PLEKHM2: variants seen among roughly 807,000 people sequenced by gnomAD.
The protein encoded by PLEKHM2 is pleckstrin homology and RUN domain containing M2.
Under a neutral mutation model 116.3 loss-of-function variants are expected in PLEKHM2, and 77 were observed. That is an observed-to-expected ratio of 0.66 (90% CI 0.55 to 0.80). The LOEUF (loss-of-function observed/expected upper bound fraction) is 0.80, where lower values mean the gene tolerates loss of function less well. PLEKHM2 is among the 30% of genes least tolerant of loss of function. The probability of loss-of-function intolerance (pLI) is 0.00; values close to 1 mark genes in which losing one functional copy is unlikely to be tolerated. For synonymous variants in PLEKHM2, 562 were observed against 571.0 expected, an observed-to-expected ratio of 0.98 and a Z score of 0.22; for missense variants, 1,183 against 1,354.9, an observed-to-expected ratio of 0.87 and a Z score of 1.99.
At position 15,685,542 on chromosome 1, in the gene PLEKHM2, A is replaced by G. The variant is rs1463564751; in HGVS notation, c.60+924A>G. The stretch of plus-strand genomic sequence containing the variant: ...GCTCACCAGATAGTCTCAGAAACTG[A>G]AAAAAAAAAAAAAAAAAAGAAAGAA... On this transcript the variant is annotated intron_variant, in intron 1 of 19. Transcript: ENST00000375799. Among the ~76,000 whole-genome samples the G allele has an allele frequency of 1.7e-4, 15 of 85,886 alleles. 1 individual carries two copies. The South Asian group carries it at 3.5e-3, about 20-fold the overall frequency. The allele number at this position is 85,886 out of a possible 152,430, so 56.3% of individuals were successfully genotyped here.
chr1:15,725,812 G>A (rs888696106), intron 8 of PLEKHM2: 50 of 508,826 alleles, frequency 9.8e-5, no homozygotes, highest in Admixed American at 7.4e-4. Context: ...CCTACAGTCC[G>A]AGGTCAGGGT....
At chr1:15,718,021 T>A in intron 4 of PLEKHM2, 29 bp downstream of exon 4, 1 of 1,409,602 alleles carries the variant, frequency 7.1e-7, no homozygotes, top group Non-Finnish European at 9.9e-7. Flanking sequence ...CTGTCTCCCC[T>A]AGCCTCAGAG....
intron 7 of PLEKHM2, among the ~76,000 whole-genome samples, chr1:15,724,876 A>C (rs1310918379): frequency 2.0e-5 from 3 of 152,130 alleles, no homozygotes; most frequent in African/African-American, 4.8e-5. Context: ...GTATGGGGCT[A>C]ACGGGGCTGC....
chr1:15,710,614 A>G (rs1217601317), intron 1 of PLEKHM2, among the ~76,000 whole-genome samples: 1 of 152,122 alleles, frequency 6.6e-6, no homozygotes, highest in African/African-American at 2.4e-5. Context: ...GGCGTAAGCC[A>G]CTGCACCCAG....
intron 16 of PLEKHM2, 124 bp downstream of exon 16, chr1:15,731,381 A>C: frequency 1.3e-6 from 1 of 766,090 alleles, no homozygotes; most frequent in South Asian, 1.5e-5. Context: ...AGCGGCCCTG[A>C]CAGGTGGCCT....
intron 1 of PLEKHM2, 52 bp downstream of exon 1, chr1:15,684,670 C>T (rs1368452787): frequency 8.7e-6 from 7 of 802,242 alleles, no homozygotes; most frequent in Non-Finnish European, 1.1e-5. Context: ...GCGCCCCCCA[C>T]GCCCTCCGGC....
Position 15,729,206 on chromosome 1 carries a change from G to T in PLEKHM2, c.2075+16G>T, listed in dbSNP as rs368619845. 3 of 1,597,804 alleles carry T rather than the reference G, an allele frequency of 1.9e-6. No individual in the cohort carries two copies. Among genetic ancestry groups the T allele is most frequent in the Non-Finnish European group, 2.6e-6 (3 of 1,171,670 alleles). ...CGCTGGCTGAGTGAGTGGCAACCCC[G>T]CCCCTCTGGAAGGATTGGAGAGTTC... is the stretch of plus-strand genomic sequence containing the variant. On this transcript the variant is annotated intron_variant, in intron 13 of 19. Transcript: ENST00000375799. This position sits in a 1 kb window ranked among gnomAD's most constrained non-coding sequence, Gnocchi z 4.7.
chr1:15,695,262 A>G (rs574202452), intron 1 of PLEKHM2, among the ~76,000 whole-genome samples: 3 of 152,366 alleles, frequency 2.0e-5, no homozygotes, highest in South Asian at 4.1e-4. Flanking sequence ...CTTGAAATAC[A>G]CAAAAATCTC....
intron 1 of PLEKHM2, among the ~76,000 whole-genome samples, chr1:15,704,127 C>A (rs929945273): frequency 6.6e-6 from 1 of 152,174 alleles, no homozygotes; most frequent in Non-Finnish European, 1.5e-5. Flanking sequence ...CACCATGGAG[C>A]ATACTGGCCC....
chr1:15,729,743 C>T lies in PLEKHM2; in HGVS notation c.2076-54C>T. 8 of 1,533,276 alleles carry T rather than the reference C, an allele frequency of 5.2e-6. No homozygotes were observed. The highest frequency in any genetic ancestry group is 7.1e-6 in the Non-Finnish European group (8 of 1,131,316). The allele number at this position is 1,533,276 out of a possible 1,614,324, so 95.0% of individuals were successfully genotyped here. On this transcript the variant is annotated intron_variant, in intron 13 of 19. Transcript: ENST00000375799. This position sits in a 1 kb window ranked among gnomAD's most constrained non-coding sequence, Gnocchi z 4.7. ...AGCAGCGCTCAAGACTAAGCCCTGTCCAGTTGAGGCCCTGTTCCCAGGCCT... is the reference window on the plus strand; with the variant it reads ...AGCAGCGCTCAAGACTAAGCCCTGTTCAGTTGAGGCCCTGTTCCCAGGCCT...
chr1:15,716,120 T>C, intron 1 of PLEKHM2, 117 bp from the exon 2 acceptor site: 1 of 648,246 alleles, frequency 1.5e-6, no homozygotes, highest in South Asian at 1.8e-5. Context: ...ACGTCTCTGC[T>C]GGTCATTGTG....
rs1256212326 is a variant in PLEKHM2, at chr1:15,721,236, C to T, written c.653-93C>T. ...GAAGTTTTCCTCTCCTATTTTCTCC[C>T]CATGTCTCCCACCCCATTTCCCCTC... On this transcript the variant is annotated intron_variant, in intron 6 of 19. Coordinates refer to ENST00000375799, the MANE Select transcript of PLEKHM2 (RefSeq NM_015164.4). This position sits in a 1 kb window ranked among gnomAD's most constrained non-coding sequence, Gnocchi z 5.1. The T allele has an allele frequency of 5.5e-6, 4 of 730,334 alleles. No individual in the cohort carries two copies. The highest frequency in any genetic ancestry group is 5.4e-5 in the African/African-American group (3 of 55,424). 45.2% of individuals were successfully genotyped at this position (730,334 alleles called of 1,614,324 possible).
intron 19 of PLEKHM2, 38 bp from the exon 20 acceptor site, chr1:15,733,759 C>G (rs2068181243): frequency 6.2e-7 from 1 of 1,602,556 alleles, no homozygotes; most frequent in Non-Finnish European, 8.5e-7. Flanking sequence ...CTGTGGCCCT[C>G]AGTGGCCCTC....
chr1:15,711,066 A>G (rs1557650143), intron 1 of PLEKHM2, among the ~76,000 whole-genome samples: 1 of 151,950 alleles, frequency 6.6e-6, no homozygotes, highest in Non-Finnish European at 1.5e-5. Context: ...AAAGATCTAA[A>G]CATAAGGGAA....
In PLEKHM2 at chr1:15,727,428, C is replaced by T. The variant is rs747013979; in HGVS notation, c.1356C>T (p.Cys452=). 6.2e-6 allele frequency: 10 copies of T among 1,606,056 alleles called. No individual in the cohort carries two copies. Among genetic ancestry groups the T allele is most frequent in the East Asian group, 2.2e-5 (1 of 44,566 alleles). The change falls in exon 9 of 20, where the codon TGC becomes TGT. Residue 452 remains cysteine (C), a synonymous_variant. Transcript: ENST00000375799. The surrounding 1 kb of genome is among the most constrained non-coding windows in gnomAD (Gnocchi z 7.5). Reference sequence around the variant, plus strand: ...ATGCCCCGGAGAGGCCGCCGCTTTGCGACTTTAGTGAGGGGCTTTCAGCCC... The same window carrying T: ...ATGCCCCGGAGAGGCCGCCGCTTTGTGACTTTAGTGAGGGGCTTTCAGCCC... ...PGDAPERPPL[C]DFSEGLSAPM...
chr1:15,706,718 T>G (rs1037392198), intron 1 of PLEKHM2, among the ~76,000 whole-genome samples: 33 of 152,196 alleles, frequency 2.2e-4, no homozygotes, highest in African/African-American at 7.7e-4. Context: ...TTGTATTTAT[T>G]TTTTTCCCTC....
chr1:15,731,767 C>T (rs1332760571), intron 16 of PLEKHM2, 122 bp from the exon 17 acceptor site: 2 of 797,282 alleles, frequency 2.5e-6, no homozygotes, highest in African/African-American at 1.7e-5. Context: ...CCTCTGGTAT[C>T]CTCCAGCCCC....
Position 15,719,660 on chromosome 1 carries a change from C to G in PLEKHM2, c.466-74C>G. On this transcript the variant is annotated intron_variant, in intron 5 of 19. Coordinates refer to ENST00000375799, the MANE Select transcript of PLEKHM2 (RefSeq NM_015164.4). The surrounding 1 kb of genome is among the most constrained non-coding windows in gnomAD (Gnocchi z 4.1). ...AGAGGCACATCTGTGTCTCCCAGGC[C>G]TGGATCCTGCTGTCTGCAGAAGGCC... 1 of 1,000,592 alleles carries G rather than the reference C, an allele frequency of 1.0e-6. No homozygotes were observed. The highest frequency in any genetic ancestry group is 1.5e-6 in the Non-Finnish European group (1 of 648,860). 62.0% of individuals were successfully genotyped at this position (1,000,592 alleles called of 1,614,324 possible).
In PLEKHM2 at chr1:15,691,311, A is replaced by T. The variant is rs139666667; in HGVS notation, c.60+6693A>T. On this transcript the variant is annotated intron_variant, in intron 1 of 19. Transcript: ENST00000375799. ...GGTCTCGAACTCCTGAGCTCAGGTG[A>T]TCCTCCCACCTCGGCCTGCATAAGT... is the stretch of plus-strand genomic sequence containing the variant. Among the ~76,000 whole-genome samples the T allele has an allele frequency of 8.5e-4, 130 of 152,220 alleles. 5 individuals are homozygous for T. In the East Asian group the frequency reaches 0.023, roughly 27 times the overall value.
Sources: allele counts gnomAD v4.1 joint callset (sites outside exome capture counted in the v4.1 genomes callset), GRCh38; gene constraint gnomAD v4.1.1; non-coding constraint Gnocchi (gnomAD v3.1); transcripts MANE v1.5; gene names NCBI Gene and HGNC (gene_info 2026-07-23, HGNC 2026-07-21).